Variants in EVL observed in about 807,000 individuals in gnomAD.
The protein encoded by EVL is Enah/Vasp-like.
In EVL, 21 loss-of-function variants were observed where a neutral mutation model predicts 59.6. That is an observed-to-expected ratio of 0.35 (90% confidence interval 0.25 to 0.51). EVL has a LOEUF of 0.51. EVL is among the 20% of genes least tolerant of loss of function. The pLI, the probability that EVL is intolerant of heterozygous loss-of-function variation, is 0.97. For missense variants in EVL, 462 were observed against 546.6 expected (o/e 0.85, Z 1.54); for synonymous variants, 198 against 203.5 (o/e 0.97, Z 0.23).
rs756735010 is a variant in EVL at position 100,028,130 on chromosome 14, G to GTTTTTTTT, written c.5+56076_5+56077insTTTTTTTT. Among the ~76,000 whole-genome samples, 41 of 99,590 alleles carry GTTTTTTTT rather than the reference G, an allele frequency of 4.1e-4. 1 individual carries two copies. The highest frequency in any genetic ancestry group is 1.9e-3 in the African/African-American group (40 of 20,528). The allele number at this position is 99,590 out of a possible 152,430, so 65.3% of individuals were successfully genotyped here. A position where few individuals can be genotyped will look rare whatever the true frequency, so the allele number is the denominator to read the frequency against. On this transcript the variant is annotated intron_variant, in intron 1 of 13. Coordinates refer to the EVL transcript ENST00000402714. ...TCTACTTTTAGTTGTTTTTTTGTTT[G>GTTTTTTTT]TTTGTTTTTTTTTTTTTTTTTGAGG...
At chr14:100,092,132 C>T (rs1203910351) in intron 2 of EVL, among the ~76,000 whole-genome samples, 2 of 151,884 alleles carry the variant, frequency 1.3e-5, no homozygotes, top group Admixed American at 1.3e-4. Flanking sequence ...GTCCCAGCTA[C>T]TCGGGAGGCT....
chr14:100,083,884 T>G (rs1051810669), intron 1 of EVL, among the ~76,000 whole-genome samples: 2 of 152,204 alleles, frequency 1.3e-5, no homozygotes, highest in African/African-American at 2.4e-5. Flanking sequence ...CAGAAGTGGT[T>G]GGAAATCCCC....
upstream of EVL, among the ~76,000 whole-genome samples, chr14:100,062,357 A>G (rs1349191936): frequency 6.6e-6 from 1 of 152,056 alleles, no homozygotes; most frequent in Non-Finnish European, 1.5e-5. Flanking sequence ...ATTTTACTGA[A>G]GTGGTACAAT....
At chr14:100,062,108 G>A (rs923826961), upstream of EVL, among the ~76,000 whole-genome samples, 8 of 151,536 alleles carry the variant, frequency 5.3e-5, no homozygotes, top group South Asian at 8.4e-4. Context: ...ACTGTACGCC[G>A]GCCTACGCAA....
intron 1 of EVL, among the ~76,000 whole-genome samples, chr14:99,996,896 C>G (rs1218860250): frequency 6.6e-6 from 1 of 152,230 alleles, no homozygotes; most frequent in Non-Finnish European, 1.5e-5. Context: ...AGCAATCCAA[C>G]TGCCTTGGCC....
chr14:100,068,700 G>A (rs1291925098), intron 1 of EVL, among the ~76,000 whole-genome samples: 1 of 152,164 alleles, frequency 6.6e-6, no homozygotes, highest in Non-Finnish European at 1.5e-5. Flanking sequence ...GGGCGTGGGG[G>A]AAACATGAGT....
chr14:100,124,467 T>G (rs1418353173), intron 4 of EVL, among the ~76,000 whole-genome samples: 1 of 152,208 alleles, frequency 6.6e-6, no homozygotes, highest in Non-Finnish European at 1.5e-5. Context: ...AGCCTCCGTT[T>G]CCCGGTTTGA....
intron 1 of EVL, among the ~76,000 whole-genome samples, chr14:100,004,622 G>T (rs575162143): frequency 6.6e-6 from 1 of 152,052 alleles, no homozygotes; most frequent in East Asian, 1.9e-4. Context: ...TGGACTTCCC[G>T]AATGTCCCTC....
At chr14:100,085,932 C>T (rs1057067898) in intron 2 of EVL, among the ~76,000 whole-genome samples, 1 of 152,078 alleles carries the variant, frequency 6.6e-6, no homozygotes, top group Non-Finnish European at 1.5e-5. Flanking sequence ...TCAAGACCAG[C>T]CTGGCTAACA....
At chr14:100,084,049 TC>T (rs2062376934) in intron 1 of EVL, among the ~76,000 whole-genome samples, 7 of 140,428 alleles carry the variant, frequency 5.0e-5, no homozygotes, top group African/African-American at 1.8e-4. Flanking sequence ...TCTCTCTCTC[TC>T]TCTTTTTTTT....
At chr14:100,126,406 A>G (rs533453730) in intron 4 of EVL, among the ~76,000 whole-genome samples, 1 of 152,316 alleles carries the variant, frequency 6.6e-6, no homozygotes, top group East Asian at 1.9e-4. Context: ...AGGTGCGCCC[A>G]TCTAGCCCAG....
chr14:100,062,991 A>G (rs1190949), upstream of EVL, among the ~76,000 whole-genome samples: 93,665 of 152,048 alleles, frequency 0.62, 32,096 homozygotes, highest in Non-Finnish European at 0.75. Flanking sequence ...CTAACTACTC[A>G]GGAAGCTGAG....
chr14:100,002,103 C>T lies in EVL; in HGVS notation c.5+30046C>T, dbSNP rs565431532. 1.1e-4 allele frequency among the ~76,000 whole-genome samples: 16 copies of T among 152,246 alleles called. No individual in the cohort carries two copies. In the South Asian group the frequency reaches 1.2e-3, roughly 12 times the overall value. On this transcript the variant is annotated intron_variant, in intron 1 of 13. Coordinates refer to the EVL transcript ENST00000402714. The stretch of plus-strand genomic sequence containing the variant: ...ACTCTAAAAAACAAAGGATCAGCAA[C>T]GTTTTAAGCAAAAAGTCAAAAAGAT...
chr14:99,991,007 A>AT (rs933722638), intron 1 of EVL, among the ~76,000 whole-genome samples: 17 of 152,160 alleles, frequency 1.1e-4, no homozygotes, highest in Admixed American at 9.8e-4. Context: ...TTATATGCAG[A>AT]TTTTTTTCAG....
chr14:100,019,800 C>T (rs2061088771), intron 1 of EVL: 3 of 1,060,614 alleles, frequency 2.8e-6, no homozygotes, highest in Non-Finnish European at 4.0e-6. Context: ...AAACAGGGTT[C>T]TTTTCAGCTT....
chr14:100,093,643 G>T (rs979841377), intron 2 of EVL, among the ~76,000 whole-genome samples: 1 of 152,184 alleles, frequency 6.6e-6, no homozygotes, highest in African/African-American at 2.4e-5. Context: ...ACAGAACTGG[G>T]ATACGTCCTC....
chr14:100,099,217 G>T (rs1195739132), intron 3 of EVL, among the ~76,000 whole-genome samples: 3 of 152,020 alleles, frequency 2.0e-5, no homozygotes, highest in African/African-American at 7.2e-5. Flanking sequence ...TGTGTACTGG[G>T]CCTGATATAT....
intron 1 of EVL, among the ~76,000 whole-genome samples, chr14:100,022,694 G>T (rs1347376414): frequency 2.6e-5 from 4 of 152,188 alleles, no homozygotes; most frequent in Non-Finnish European, 5.9e-5. Context: ...GCCTGTTTTT[G>T]TTTCCTTGGC....
Position 100,114,562 on chromosome 14 carries a change from C to T in EVL, c.359-8977C>T, listed in dbSNP as rs1887208270. ...GGCTGGAAGGCGTATCAGTTACCCA[C>T]TGCACCAGCCAGGCGACAGAGGAGA... is the stretch of plus-strand genomic sequence containing the variant. On this transcript the variant is annotated intron_variant, in intron 3 of 13. Coordinates refer to ENST00000392920, the MANE Select transcript of EVL (RefSeq NM_016337.3). The surrounding 1 kb of genome is among the most constrained non-coding windows in gnomAD (Gnocchi z 5.0). 6.6e-6 allele frequency: 1 copy of T among 152,422 alleles called. No homozygotes were observed. The highest frequency in any genetic ancestry group is 6.5e-5 in the Admixed American group (1 of 15,292). The allele number at this position is 152,422 out of a possible 1,614,324, so 9.4% of individuals were successfully genotyped here. A position where few individuals can be genotyped will look rare whatever the true frequency, so the allele number is the denominator to read the frequency against.
Sources: gnomAD v4.1 joint callset for allele counts (sites outside exome capture counted in the v4.1 genomes callset) on GRCh38, gnomAD v4.1.1 for gene constraint, Gnocchi (gnomAD v3.1) non-coding constraint, MANE v1.5 for transcripts, NCBI Gene and HGNC (gene_info 2026-07-23, HGNC 2026-07-21) for gene names.